Variants in GALNTL6 observed in about 807,000 individuals in gnomAD.
The protein encoded by GALNTL6 is polypeptide N-acetylgalactosaminyltransferase-like 6.
GALNTL6 carries 46 observed loss-of-function variants against 73.7 expected under a neutral mutation model. The ratio of observed to expected loss-of-function variants is 0.62; its 90% CI spans 0.49 to 0.80. The LOEUF is 0.80. Ranked by LOEUF, GALNTL6 falls within the 30% of genes least tolerant of loss-of-function variation. GALNTL6 has a pLI of 0.00. For synonymous variants in GALNTL6, 259 were observed against 263.7 expected, an observed-to-expected ratio of 0.98 and a Z score of 0.17; for missense variants, 604 against 755.0, an observed-to-expected ratio of 0.80 and a Z score of 2.34.
intron 8 of GALNTL6, among the ~76,000 whole-genome samples, chr4:172,915,553 T>C (rs986213518): frequency 1.3e-5 from 2 of 151,994 alleles, no homozygotes; most frequent in African/African-American, 4.8e-5. Context: ...CAGTAAAAAA[T>C]GATGAAGGGG....
At chr4:172,600,545 G>A (rs1401215450) in intron 5 of GALNTL6, among the ~76,000 whole-genome samples, 1 of 152,102 alleles carries the variant, frequency 6.6e-6, no homozygotes, top group Non-Finnish European at 1.5e-5. Context: ...ATCTACACAG[G>A]GATCCCTCTA....
chr4:172,253,760 C>G (rs755520234), intron 3 of GALNTL6, among the ~76,000 whole-genome samples: 3 of 151,862 alleles, frequency 2.0e-5, no homozygotes, highest in African/African-American at 7.2e-5. Context: ...TCAAATATGT[C>G]ATTTTCATGA....
chr4:171,988,207 T>C (rs544267965), intron 2 of GALNTL6, among the ~76,000 whole-genome samples: 200 of 152,260 alleles, frequency 1.3e-3, no homozygotes, highest in African/African-American at 4.5e-3. Flanking sequence ...TGTGTAAGAA[T>C]TCTGACCGCA....
intron 4 of GALNTL6, among the ~76,000 whole-genome samples, chr4:172,328,608 C>A (rs1404946205): frequency 1.3e-5 from 2 of 151,996 alleles, no homozygotes; most frequent in African/African-American, 4.8e-5. Flanking sequence ...TCTTCTTTAT[C>A]ATTGTCTGAC....
intron 2 of GALNTL6, among the ~76,000 whole-genome samples, chr4:172,163,716 A>G (rs1465103627): frequency 1.3e-5 from 2 of 152,044 alleles, no homozygotes; most frequent in Non-Finnish European, 2.9e-5. Context: ...CAGGTTAACA[A>G]GCATCTGTTG....
chr4:172,795,325 G>A (rs935028649), intron 5 of GALNTL6, among the ~76,000 whole-genome samples: 9 of 152,150 alleles, frequency 5.9e-5, no homozygotes, highest in East Asian at 1.9e-4. Flanking sequence ...GGGATAACTC[G>A]TTCATTTTAA....
chr4:172,283,906 A>T (rs1739156949), intron 3 of GALNTL6, among the ~76,000 whole-genome samples: 1 of 152,170 alleles, frequency 6.6e-6, no homozygotes, highest in African/African-American at 2.4e-5. Context: ...TATAGTGACT[A>T]AAATGTGAGA....
chr4:172,793,868 C>T (rs1450498176), intron 5 of GALNTL6, among the ~76,000 whole-genome samples: 2 of 152,172 alleles, frequency 1.3e-5, no homozygotes, highest in Non-Finnish European at 2.9e-5. Context: ...TTGTAAATTA[C>T]AAATTAGCCA....
intron 5 of GALNTL6, among the ~76,000 whole-genome samples, chr4:172,674,678 C>T (rs75495265): frequency 0.019 from 2,817 of 152,144 alleles, 81 homozygotes; most frequent in African/African-American, 0.063. Flanking sequence ...CTTTTTTCCT[C>T]TCTCTGTTCT....
chr4:171,840,026 A>G (rs1420004003), intron 2 of GALNTL6, among the ~76,000 whole-genome samples: 1 of 152,154 alleles, frequency 6.6e-6, no homozygotes, highest in African/African-American at 2.4e-5. Flanking sequence ...ACTGCTTTAG[A>G]ATGACCTTAG....
chr4:172,943,358 C>T (rs947730538), intron 9 of GALNTL6, among the ~76,000 whole-genome samples: 1 of 152,202 alleles, frequency 6.6e-6, no homozygotes, highest in Non-Finnish European at 1.5e-5. Flanking sequence ...ATTACTGCTA[C>T]CTCAGCCAAA....
At chr4:172,551,823 G>T (rs969317526) in intron 5 of GALNTL6, among the ~76,000 whole-genome samples, 11 of 152,232 alleles carry the variant, frequency 7.2e-5, no homozygotes, top group Non-Finnish European at 1.6e-4. Flanking sequence ...TGAGGATGTT[G>T]ATGATGTTGA....
At chr4:172,582,639 T>C (rs150906647) in intron 5 of GALNTL6, among the ~76,000 whole-genome samples, 184 of 152,290 alleles carry the variant, frequency 1.2e-3, no homozygotes, top group African/African-American at 3.8e-3. Context: ...AAAGATTTAC[T>C]ACTAGTTTGT....
chr4:171,862,233 A>G (rs1735848932), intron 2 of GALNTL6, among the ~76,000 whole-genome samples: 1 of 152,128 alleles, frequency 6.6e-6, no homozygotes, highest in East Asian at 1.9e-4. Flanking sequence ...ACATTCCATT[A>G]TTAGCATATT....
intron 2 of GALNTL6, among the ~76,000 whole-genome samples, chr4:171,921,986 G>C (rs970851189): frequency 2.0e-5 from 3 of 151,934 alleles, no homozygotes; most frequent in Non-Finnish European, 4.4e-5. Context: ...TTTTATGGTT[G>C]TCCAAAAGCT....
At chr4:171,824,727 C>CATATTT (rs1335790921) in intron 2 of GALNTL6, among the ~76,000 whole-genome samples, 3 of 152,066 alleles carry the variant, frequency 2.0e-5, no homozygotes, top group Admixed American at 6.6e-5. Context: ...TACATTTTTG[C>CATATTT]ATTTTTATTT....
rs114177519 is a variant in GALNTL6, at chr4:172,348,586, T to C, written c.450T>C (p.Asn150=). ...CCAGCATCATTATCCCATTTCATAATGAAGGTTGGACTTCACTCCTGCGGA... is the reference window on the plus strand; with the variant it reads ...CCAGCATCATTATCCCATTTCATAACGAAGGTTGGACTTCACTCCTGCGGA... ...PNTSIIIPFH[N]EGWTSLLRTI... is the part of the protein sequence containing the mutation. The change falls in exon 5 of 13, where the codon AAT becomes AAC. Residue 150 remains asparagine, a synonymous_variant. Coordinates refer to ENST00000506823, the MANE Select transcript of GALNTL6 (RefSeq NM_001034845.3). The C allele has an allele frequency of 6.7e-3, 10,810 of 1,613,156 alleles. 59 individuals are homozygous for C. The highest frequency in any genetic ancestry group is 6.8e-3 in the Non-Finnish European group (8,006 of 1,179,242).
intron 5 of GALNTL6, among the ~76,000 whole-genome samples, chr4:172,565,392 T>C (rs1280106829): frequency 6.6e-6 from 1 of 152,230 alleles, no homozygotes; most frequent in Non-Finnish European, 1.5e-5. Flanking sequence ...TAATGTGATG[T>C]ATCACATTAC....
At chr4:173,011,434 C>T (rs10029324) in intron 11 of GALNTL6, among the ~76,000 whole-genome samples, 13 of 152,268 alleles carry the variant, frequency 8.5e-5, no homozygotes, top group Admixed American at 7.8e-4. Context: ...TTTGCCCAGA[C>T]CAATGTCCTG....
Sources: gnomAD v4.1 joint callset for allele counts (sites outside exome capture counted in the v4.1 genomes callset) on GRCh38, gnomAD v4.1.1 for gene constraint, MANE v1.5 for transcripts, NCBI Gene and HGNC (gene_info 2026-07-23, HGNC 2026-07-21) for gene names.